SNTG1: variants seen among roughly 807,000 people sequenced by gnomAD.
The protein encoded by SNTG1 is syntrophin gamma 1.
In SNTG1, 39 loss-of-function variants were observed where a neutral mutation model predicts 74.7. The ratio of observed to expected loss-of-function variants is 0.52; its 90% CI spans 0.40 to 0.68. The LOEUF (loss-of-function observed/expected upper bound fraction) is 0.68, where lower values mean the gene tolerates loss of function less well. Ranked by LOEUF, SNTG1 falls within the 30% of genes least tolerant of loss-of-function variation. The pLI is 0.00. For synonymous variants in SNTG1, 254 were observed against 217.1 expected, an observed-to-expected ratio of 1.17 and a Z score of -1.49; for missense variants, 685 against 609.5, an observed-to-expected ratio of 1.12 and a Z score of -1.30.
At chr8:50,431,725 A>G (rs1403267978) in intron 4 of SNTG1, among the ~76,000 whole-genome samples, 1 of 152,204 alleles carries the variant, frequency 6.6e-6, no homozygotes, top group African/African-American at 2.4e-5. Context: ...AGCCGTTTTA[A>G]TAAGTGTATA....
At chr8:50,497,276 T>G (rs117881539) in intron 8 of SNTG1, among the ~76,000 whole-genome samples, 4,313 of 152,056 alleles carry the variant, frequency 0.028, 82 homozygotes, top group Middle Eastern at 0.11. Context: ...AACCAATACA[T>G]GTCATATTTT....
intron 12 of SNTG1, among the ~76,000 whole-genome samples, chr8:50,580,063 T>G (rs559627158): frequency 6.6e-6 from 1 of 152,304 alleles, no homozygotes; most frequent in Admixed American, 6.5e-5. Context: ...GCCACAGGGG[T>G]GGACCTGCCC....
chr8:50,681,809 A>T (rs970385578), intron 15 of SNTG1, among the ~76,000 whole-genome samples: 1 of 152,218 alleles, frequency 6.6e-6, no homozygotes. Flanking sequence ...TGCATTTCAA[A>T]CAAATACTTT....
intron 17 of SNTG1, among the ~76,000 whole-genome samples, chr8:50,717,565 G>T (rs1298188853): frequency 6.6e-6 from 1 of 152,154 alleles, no homozygotes; most frequent in Non-Finnish European, 1.5e-5. Context: ...AATAGATCTT[G>T]TCTCAACCAC....
At chr8:50,530,444 A>C (rs527312782) in intron 10 of SNTG1, among the ~76,000 whole-genome samples, 185 bp downstream of exon 10, 109 of 152,236 alleles carry the variant, frequency 7.2e-4, no homozygotes, top group South Asian at 1.2e-3. Flanking sequence ...TTCCCCTCTC[A>C]AGTCTGTATG....
chr8:50,642,579 T>C (rs1413233646), intron 13 of SNTG1, among the ~76,000 whole-genome samples: 1 of 152,112 alleles, frequency 6.6e-6, no homozygotes, highest in South Asian at 2.1e-4. Context: ...TGGCAAGCCC[T>C]TGTATTTCAG....
At chr8:49,932,565 C>T (rs978289472) in intron 1 of SNTG1, among the ~76,000 whole-genome samples, 7 of 151,670 alleles carry the variant, frequency 4.6e-5, no homozygotes, top group African/African-American at 1.7e-4. Context: ...ATAGTCAGAA[C>T]GTATTTAATG....
intron 1 of SNTG1, among the ~76,000 whole-genome samples, chr8:50,032,343 G>T (rs1166830084): frequency 1.3e-5 from 2 of 150,966 alleles, no homozygotes; most frequent in Non-Finnish European, 3.0e-5. Context: ...AGTTAATTTT[G>T]CTCTTTTATT....
chr8:50,098,324 C>G (rs917714641), intron 1 of SNTG1, among the ~76,000 whole-genome samples: 5 of 152,018 alleles, frequency 3.3e-5, no homozygotes. Context: ...ACAGTGGGCC[C>G]TTTGTATCGC....
intron 18 of SNTG1, among the ~76,000 whole-genome samples, chr8:50,768,971 T>A (rs559743731): frequency 6.6e-6 from 1 of 152,064 alleles, no homozygotes; most frequent in Non-Finnish European, 1.5e-5. Context: ...AGAAGATATC[T>A]GGACAAGATA....
chr8:49,925,211 A>C (rs560460222), intron 1 of SNTG1, among the ~76,000 whole-genome samples: 4 of 152,314 alleles, frequency 2.6e-5, no homozygotes, highest in Admixed American at 2.6e-4. Flanking sequence ...CAGTTATGTT[A>C]TATTTAAATA....
intron 8 of SNTG1, among the ~76,000 whole-genome samples, chr8:50,495,023 CA>C (rs1426828278): frequency 6.6e-6 from 1 of 151,920 alleles, no homozygotes; most frequent in South Asian, 2.1e-4. Flanking sequence ...AAATAATTAT[CA>C]AAATCAAACA....
Position 50,103,749 on chromosome 8 carries a change from T to C in SNTG1, c.-102-68812T>C, listed in dbSNP as rs542844250. On this transcript the variant is annotated intron_variant, in intron 1 of 18. Transcript: ENST00000642720. ...AGATACGTCCCATCAATACCTAATT[T>C]ATTGAGAGTTTTTAGCATGAAGAGT... Among the ~76,000 whole-genome samples the C allele has an allele frequency of 3.1e-4, 47 of 152,336 alleles. 1 individual carries two copies. Among genetic ancestry groups the C allele is most frequent in the Middle Eastern group, 6.8e-3 (2 of 294 alleles).
intron 2 of SNTG1, among the ~76,000 whole-genome samples, chr8:50,235,630 C>G (rs1038610066): frequency 4.6e-5 from 7 of 152,178 alleles, no homozygotes; most frequent in African/African-American, 1.7e-4. Flanking sequence ...TTGGAATAAA[C>G]TTGCTGGTTT....
intron 18 of SNTG1, among the ~76,000 whole-genome samples, chr8:50,784,384 C>T (rs145053231): frequency 1.1e-3 from 169 of 151,516 alleles, no homozygotes; most frequent in African/African-American, 3.6e-3. Flanking sequence ...AAAAAGAACC[C>T]GAATAACTAT....
chr8:50,722,135 T>C (rs2095489219), intron 17 of SNTG1, among the ~76,000 whole-genome samples: 1 of 151,924 alleles, frequency 6.6e-6, no homozygotes, highest in Non-Finnish European at 1.5e-5. Context: ...TATACATATA[T>C]ATGTATACAT....
chr8:50,024,559 T>G (rs1817097987), intron 1 of SNTG1, among the ~76,000 whole-genome samples: 1 of 152,166 alleles, frequency 6.6e-6, no homozygotes, highest in Non-Finnish European at 1.5e-5. Flanking sequence ...TTCCAGGACT[T>G]CCAGTGGGTG....
chr8:50,706,146 T>C (rs142736778), intron 16 of SNTG1, among the ~76,000 whole-genome samples: 2 of 152,216 alleles, frequency 1.3e-5, no homozygotes, highest in Non-Finnish European at 1.5e-5. Flanking sequence ...ACTCCAATTA[T>C]AGTTTTTTTA....
chr8:50,098,975 G>T (rs2080029822), intron 1 of SNTG1, among the ~76,000 whole-genome samples: 1 of 152,024 alleles, frequency 6.6e-6, no homozygotes, highest in Non-Finnish European at 1.5e-5. Flanking sequence ...TGTACACATA[G>T]AACAACGGGC....
Sources: allele counts gnomAD v4.1 joint callset (sites outside exome capture counted in the v4.1 genomes callset), GRCh38; gene constraint gnomAD v4.1.1; transcripts MANE v1.5; gene names NCBI Gene and HGNC (gene_info 2026-07-23, HGNC 2026-07-21).